The following SLC2A9 variants were observed in gnomAD, a reference collection of about 807,000 sequenced individuals.
SLC2A9 encodes solute carrier family 2, facilitated glucose transporter member 9.
Under a neutral mutation model 50.6 loss-of-function variants are expected in SLC2A9, and 39 were observed. The ratio of observed to expected loss-of-function variants is 0.77; its 90% CI spans 0.60 to 1.01. The LOEUF (loss-of-function observed/expected upper bound fraction) is 1.01, where lower values mean the gene tolerates loss of function less well. SLC2A9 is among the 50% of genes least tolerant of loss of function. The pLI is 0.00. For synonymous variants in SLC2A9, 324 were observed against 276.9 expected, an observed-to-expected ratio of 1.17 and a Z score of -1.69; for missense variants, 686 against 677.6, an observed-to-expected ratio of 1.01 and a Z score of -0.14.
downstream of SLC2A9, among the ~76,000 whole-genome samples, chr4:9,795,090 C>A (rs1259566676): frequency 6.7e-6 from 1 of 148,640 alleles, no homozygotes; most frequent in Non-Finnish European, 1.5e-5. Flanking sequence ...TGGCACACTG[C>A]AACCTCCATC....
At chr4:9,891,845 C>T (rs184018190) in intron 8 of SLC2A9, among the ~76,000 whole-genome samples, 9 of 152,310 alleles carry the variant, frequency 5.9e-5, no homozygotes, top group Admixed American at 2.0e-4. Flanking sequence ...GTCCCCATCA[C>T]GACAGTCATT....
At position 10,005,005 on chromosome 4, in the gene SLC2A9, A is replaced by C. The variant is rs531679958; in HGVS notation, c.250-8064T>G. 2.2e-4 allele frequency among the ~76,000 whole-genome samples: 33 copies of C among 152,338 alleles called. No homozygotes were observed. In the South Asian group the frequency reaches 6.6e-3, roughly 31 times the overall value. On this transcript the variant is annotated intron_variant, in intron 2 of 11. Coordinates refer to ENST00000264784, the MANE Select transcript of SLC2A9 (RefSeq NM_020041.3). Reference sequence around the variant, plus strand: ...CATTCAGCCAACAGCCACGAGGCACATTCTTGTATCTTTCTATCTGACTTT... The same window carrying C: ...CATTCAGCCAACAGCCACGAGGCACCTTCTTGTATCTTTCTATCTGACTTT...
Position 9,922,481 on chromosome 4 carries a change from T to A in SLC2A9, c.815-1909A>T, listed in dbSNP as rs561950558. Among the ~76,000 whole-genome samples, 50 of 151,120 alleles carry A rather than the reference T, an allele frequency of 3.3e-4. No individual in the cohort carries two copies. The East Asian group carries it at 5.6e-3, about 17-fold the overall frequency. On this transcript the variant is annotated intron_variant, in intron 6 of 11. Coordinates refer to ENST00000264784, the MANE Select transcript of SLC2A9 (RefSeq NM_020041.3). Reference sequence around the variant, plus strand: ...ACATGTATCCTGGAACTTTAAAATTTAAAAAAAAAATTCTGATCTTTTCTT... The same window carrying A: ...ACATGTATCCTGGAACTTTAAAATTAAAAAAAAAAATTCTGATCTTTTCTT...
At chr4:9,999,457 A>C (rs555769908) in intron 2 of SLC2A9, among the ~76,000 whole-genome samples, 9 of 152,304 alleles carry the variant, frequency 5.9e-5, no homozygotes, top group African/African-American at 2.2e-4. Context: ...TGTATGCATA[A>C]TACATGCTGC....
intron 5 of SLC2A9, among the ~76,000 whole-genome samples, chr4:9,958,214 T>C (rs1388973995): frequency 6.6e-6 from 1 of 152,252 alleles, no homozygotes; most frequent in Non-Finnish European, 1.5e-5. Flanking sequence ...AAGACATTTT[T>C]AGACATGGAA....
intron 10 of SLC2A9, among the ~76,000 whole-genome samples, chr4:9,841,435 T>C (rs1407066640): frequency 6.6e-6 from 1 of 152,188 alleles, no homozygotes; most frequent in African/African-American, 2.4e-5. Context: ...TCCCTGTGCA[T>C]TGTCCTCCAT....
intron 10 of SLC2A9, among the ~76,000 whole-genome samples, chr4:9,869,154 TA>T (rs1391415940): frequency 1.3e-5 from 2 of 152,206 alleles, no homozygotes; most frequent in African/African-American, 4.8e-5. Flanking sequence ...AGAGACAGTA[TA>T]AGTCGGGATC....
At chr4:9,796,219 T>C (rs1263769696), downstream of SLC2A9, among the ~76,000 whole-genome samples, 5 of 152,178 alleles carry the variant, frequency 3.3e-5, no homozygotes, top group Non-Finnish European at 5.9e-5. Context: ...TGTGTCTTTT[T>C]TGAGCAGCCC....
At chr4:9,962,429 G>A (rs996728733) in intron 5 of SLC2A9, among the ~76,000 whole-genome samples, 20 of 152,150 alleles carry the variant, frequency 1.3e-4, no homozygotes, top group African/African-American at 4.6e-4. Flanking sequence ...GACATGGATG[G>A]AGCTGGAAGC....
intron 5 of SLC2A9, among the ~76,000 whole-genome samples, chr4:9,974,148 A>C (rs1009293467): frequency 6.6e-6 from 1 of 152,234 alleles, no homozygotes; most frequent in African/African-American, 2.4e-5. Flanking sequence ...AAATAATGAG[A>C]GCCAACTATG....
intron 10 of SLC2A9, among the ~76,000 whole-genome samples, chr4:9,866,721 A>T (rs1323683414): frequency 1.3e-5 from 2 of 152,126 alleles, no homozygotes; most frequent in African/African-American, 4.8e-5. Context: ...AGCACCTTGG[A>T]CGTACTCCCC....
At chr4:9,869,877 C>T (rs1346283589) in intron 10 of SLC2A9, among the ~76,000 whole-genome samples, 2 of 152,232 alleles carry the variant, frequency 1.3e-5, no homozygotes, top group African/African-American at 4.8e-5. Flanking sequence ...CATCCATGTC[C>T]TCATCCTGGA....
rs147351580 is a variant in SLC2A9 at position 9,984,538 on chromosome 4, G to A, written c.535+1131C>T. On this transcript the variant is annotated intron_variant, in intron 4 of 11. Coordinates refer to ENST00000264784, the MANE Select transcript of SLC2A9 (RefSeq NM_020041.3). Reference sequence around the variant, plus strand: ...ACAAATGGGAAAACCAAGGCTCAGAGCCATTAAGTAACTTGCAGCAGAACT... The same window carrying A: ...ACAAATGGGAAAACCAAGGCTCAGAACCATTAAGTAACTTGCAGCAGAACT... Among the ~76,000 whole-genome samples, 389 of 152,312 alleles carry A rather than the reference G, an allele frequency of 2.6e-3. 6 individuals carry two copies. Among genetic ancestry groups the A allele is most frequent in the African/African-American group, 9.1e-3 (380 of 41,562 alleles).
intron 10 of SLC2A9, chr4:9,879,778 G>GAC: frequency 1.0e-6 from 1 of 985,432 alleles, no homozygotes; most frequent in East Asian, 1.1e-4. Context: ...AACTGGAATT[G>GAC]ACACATTTTG....
intron 5 of SLC2A9, among the ~76,000 whole-genome samples, chr4:9,976,774 T>C (rs1754875847): frequency 6.6e-6 from 1 of 152,130 alleles, no homozygotes; most frequent in African/African-American, 2.4e-5. Flanking sequence ...GGAGAGAGTG[T>C]CCCAGCCTCA....
At chr4:9,900,387 G>T (rs1235383198) in intron 8 of SLC2A9, among the ~76,000 whole-genome samples, 1 of 152,140 alleles carries the variant, frequency 6.6e-6, no homozygotes, top group East Asian at 1.9e-4. Flanking sequence ...GTCAGAGGGT[G>T]AGCTGCAGGA....
At chr4:10,019,384 C>G in intron 1 of SLC2A9, 4 of 454,554 alleles carry the variant, frequency 8.8e-6, no homozygotes, top group Non-Finnish European at 1.6e-5. Context: ...ATCCTTTCAG[C>G]GAAGTTGGCG....
chr4:9,771,918 G>A (rs549574398), intron 1 of SLC2A9, among the ~76,000 whole-genome samples: 17 of 152,348 alleles, frequency 1.1e-4, no homozygotes, highest in Middle Eastern at 3.4e-3. Context: ...AGAGGACAGC[G>A]TTGGAATGGG....
chr4:9,855,533 A>AT (rs36045597), intron 10 of SLC2A9, among the ~76,000 whole-genome samples: 24,181 of 152,138 alleles, frequency 0.16, 2,622 homozygotes, highest in African/African-American at 0.3. Context: ...TAAAATGGTC[A>AT]TAGTGCCCAA....
Sources: allele counts gnomAD v4.1 joint callset (sites outside exome capture counted in the v4.1 genomes callset), GRCh38; gene constraint gnomAD v4.1.1; transcripts MANE v1.5; gene names NCBI Gene and HGNC (gene_info 2026-07-23, HGNC 2026-07-21).